The following PCDH9 variants were observed in gnomAD, a reference collection of about 807,000 sequenced individuals.
PCDH9 encodes the protein protocadherin-9.
A neutral mutation model predicts 70.6 loss-of-function variants in PCDH9; 24 were observed. That is an observed-to-expected ratio of 0.34 (90% CI 0.25 to 0.48). The LOEUF is 0.48. Ranked by LOEUF, PCDH9 falls within the 20% of genes least tolerant of loss-of-function variation. The pLI is 0.99. For missense variants in PCDH9, 1,281 were observed against 1,503.6 expected (o/e 0.85, Z 2.45); for synonymous variants, 562 against 558.5 (o/e 1.01, Z -0.09).
intron 4 of PCDH9, among the ~76,000 whole-genome samples, chr13:66,607,777 G>T (rs565532149): frequency 6.1e-4 from 93 of 152,122 alleles, no homozygotes; most frequent in Non-Finnish European, 1.2e-3. Context: ...TCAAATGAAT[G>T]CATGTTTAAA....
At chr13:67,154,964 G>A (rs1349366328) in intron 2 of PCDH9, among the ~76,000 whole-genome samples, 2 of 151,952 alleles carry the variant, frequency 1.3e-5, no homozygotes, top group Non-Finnish European at 2.9e-5. Flanking sequence ...CCACCCACCT[G>A]AGTGGTGGGT....
In PCDH9 at chr13:66,608,746, C is replaced by T. The variant is rs376275963; in HGVS notation, c.3340+22464G>A. ...TTTAGGCAAAAAGACCTCCGTATCA[C>T]CACAGGACGAAAAAAAATAATAATA... On this transcript the variant is annotated intron_variant, in intron 4 of 4. Transcript: ENST00000377865. 1.8e-4 allele frequency among the ~76,000 whole-genome samples: 27 copies of T among 151,928 alleles called. No individual in the cohort carries two copies. In the South Asian group the frequency reaches 2.3e-3, roughly 13 times the overall value.
chr13:67,149,628 T>A (rs2087609152), intron 2 of PCDH9, among the ~76,000 whole-genome samples: 1 of 152,144 alleles, frequency 6.6e-6, no homozygotes. Flanking sequence ...TTTTTTATGA[T>A]TACTAGTTAT....
chr13:66,693,095 G>C (rs975598512), intron 3 of PCDH9, among the ~76,000 whole-genome samples: 4 of 152,032 alleles, frequency 2.6e-5, no homozygotes, highest in African/African-American at 9.7e-5. Context: ...TATCAAGATA[G>C]CAAGAGGCAA....
intron 3 of PCDH9, among the ~76,000 whole-genome samples, chr13:66,878,524 G>A (rs954710316): frequency 2.0e-5 from 3 of 152,138 alleles, no homozygotes; most frequent in Non-Finnish European, 4.4e-5. Context: ...ATAGCGCAGG[G>A]CCGGGACTAA....
At chr13:66,463,268 C>G (rs1342662019) in intron 4 of PCDH9, among the ~76,000 whole-genome samples, 1 of 151,752 alleles carries the variant, frequency 6.6e-6, no homozygotes, top group Non-Finnish European at 1.5e-5. Flanking sequence ...TTCAAGAGAG[C>G]AAAGAATGCT....
chr13:66,419,999 G>A (rs376717743), intron 4 of PCDH9, among the ~76,000 whole-genome samples: 10 of 152,182 alleles, frequency 6.6e-5, no homozygotes, highest in African/African-American at 1.2e-4. Flanking sequence ...AGGGGCATCC[G>A]CCATTACTGA....
chr13:67,002,989 G>C (rs925311819), intron 2 of PCDH9, among the ~76,000 whole-genome samples: 1 of 149,396 alleles, frequency 6.7e-6, no homozygotes, highest in Non-Finnish European at 1.5e-5. Flanking sequence ...TTTTTAATTT[G>C]TTTGTTTTTA....
intron 4 of PCDH9, among the ~76,000 whole-genome samples, chr13:66,360,557 T>A (rs2138192136): frequency 6.6e-6 from 1 of 152,278 alleles, no homozygotes; most frequent in East Asian, 1.9e-4. Context: ...TGTACAGTCT[T>A]TATTTGACAA....
intron 4 of PCDH9, among the ~76,000 whole-genome samples, chr13:66,344,910 A>C (rs942537482): frequency 2.6e-5 from 4 of 152,202 alleles, no homozygotes; most frequent in Non-Finnish European, 5.9e-5. Flanking sequence ...TAAAAATGCA[A>C]ATTAATTGCA....
rs560636075 is a variant in PCDH9 at position 66,920,061 on chromosome 13, C to T, written c.3037-16456G>A. 1.7e-3 allele frequency among the ~76,000 whole-genome samples: 261 copies of T among 151,004 alleles called. 1 individual carries two copies. Among genetic ancestry groups the T allele is most frequent in the Middle Eastern group, 6.8e-3 (2 of 294 alleles). On this transcript the variant is annotated intron_variant, in intron 2 of 4. Transcript: ENST00000377865. ...ATGCTATCTGCTCCCCTTACAGATA[C>T]TGTTCCAAGAATAAGCACTGGCATA...
intron 4 of PCDH9, among the ~76,000 whole-genome samples, chr13:66,623,612 A>AT (rs930771581): frequency 3.6e-4 from 55 of 151,786 alleles, no homozygotes; most frequent in African/African-American, 1.1e-3. Context: ...CTAATTTTTA[A>AT]TTTTTTTTGT....
intron 2 of PCDH9, among the ~76,000 whole-genome samples, chr13:67,042,694 T>C (rs1171177224): frequency 1.3e-5 from 2 of 152,334 alleles, no homozygotes; most frequent in East Asian, 3.9e-4. Flanking sequence ...TTGTCTATTA[T>C]GCACCAGGCA....
intron 3 of PCDH9, among the ~76,000 whole-genome samples, chr13:66,772,973 T>C (rs1045928498): frequency 6.6e-5 from 10 of 152,098 alleles, no homozygotes; most frequent in African/African-American, 1.7e-4. Flanking sequence ...CTACAAAAGA[T>C]ACCAGCGACA....
intron 3 of PCDH9, among the ~76,000 whole-genome samples, 175 bp from the exon 4 acceptor site, chr13:66,631,586 C>A (rs2077572099): frequency 6.6e-6 from 1 of 152,066 alleles, no homozygotes; most frequent in South Asian, 2.1e-4. Flanking sequence ...TATGTAATGG[C>A]CAACCAGCAA....
chr13:67,026,013 T>C (rs1342673170), intron 2 of PCDH9, among the ~76,000 whole-genome samples: 1 of 152,198 alleles, frequency 6.6e-6, no homozygotes, highest in African/African-American at 2.4e-5. Context: ...TTATGATATA[T>C]AGGTATTCTA....
intron 3 of PCDH9, among the ~76,000 whole-genome samples, chr13:66,710,845 T>A (rs538122360): frequency 1.3e-5 from 2 of 152,228 alleles, no homozygotes; most frequent in African/African-American, 2.4e-5. Flanking sequence ...AGGTCGCATC[T>A]CTTAACCATC....
intron 3 of PCDH9, among the ~76,000 whole-genome samples, chr13:66,880,588 C>A (rs1235937478): frequency 6.6e-6 from 1 of 152,126 alleles, no homozygotes; most frequent in African/African-American, 2.4e-5. Context: ...TCTTTCCCAG[C>A]CTCTATCAAT....
At chr13:66,759,827 A>G (rs2079595883) in intron 3 of PCDH9, among the ~76,000 whole-genome samples, 1 of 149,938 alleles carries the variant, frequency 6.7e-6, no homozygotes, top group Non-Finnish European at 1.5e-5. Flanking sequence ...GGTTATTAAA[A>G]TTTTGAATAT....
Sources: gnomAD v4.1 joint callset for allele counts (sites outside exome capture counted in the v4.1 genomes callset) on GRCh38, gnomAD v4.1.1 for gene constraint, MANE v1.5 for transcripts, NCBI Gene and HGNC (gene_info 2026-07-23, HGNC 2026-07-21) for gene names.